The following MYO10 variants were observed in gnomAD, a reference collection of about 807,000 sequenced individuals.
MYO10 encodes the protein unconventional myosin-X.
A neutral mutation model predicts 257.3 loss-of-function variants in MYO10; 133 were observed. The observed-to-expected ratio is 0.52, with a 90% CI of 0.45 to 0.60. The LOEUF (loss-of-function observed/expected upper bound fraction) is 0.60, where lower values mean the gene tolerates loss of function less well. MYO10 is among the 20% of genes least tolerant of loss of function. The pLI, the probability that MYO10 is intolerant of heterozygous loss-of-function variation, is 0.00. For synonymous variants in MYO10, 1,104 were observed against 1,028.6 expected (o/e 1.07, Z -1.40); for missense variants, 2,399 against 2,635.7 (o/e 0.91, Z 1.97).
chr5:16,814,221 A>G (rs1742530038), intron 3 of MYO10, among the ~76,000 whole-genome samples: 1 of 152,090 alleles, frequency 6.6e-6, no homozygotes, highest in African/African-American at 2.4e-5. Flanking sequence ...GGCTCACTGC[A>G]AGCTCCGCCT....
intron 26 of MYO10, 85 bp from the exon 27 acceptor site, chr5:16,694,699 G>A (rs1434882571): frequency 6.5e-7 from 1 of 1,541,706 alleles, no homozygotes; most frequent in East Asian, 2.2e-5. Flanking sequence ...AGGTGTTAAG[G>A]TCTAGCCGAG....
In MYO10 at chr5:16,689,868, G is replaced by T; in HGVS notation, c.3852C>A (p.Ala1284=). Reference sequence around the variant, plus strand: ...CTGCAATCAGGTGGAAAGTCCTATCGGCCATAATGATGTCGATCCCATTCT... The same window carrying T: ...CTGCAATCAGGTGGAAAGTCCTATCTGCCATAATGATGTCGATCCCATTCT... ...TKENGIDIIM[A]DRTFHLIAES... Residue 1284 remains alanine, a synonymous_variant, in exon 28 of 41, where the codon GCC becomes GCA. Transcript: ENST00000513610. 6.2e-7 allele frequency: 1 copy of T among 1,613,670 alleles called. No homozygotes were observed. Among genetic ancestry groups the T allele is most frequent in the South Asian group, 1.1e-5 (1 of 91,070 alleles).
At chr5:16,889,762 G>C (rs1487177000) in intron 1 of MYO10, among the ~76,000 whole-genome samples, 1 of 151,554 alleles carries the variant, frequency 6.6e-6, no homozygotes, top group Non-Finnish European at 1.5e-5. Flanking sequence ...AGCAGTAGGA[G>C]GTACAGGACA....
At chr5:16,713,244 A>G in intron 19 of MYO10, 1 of 895,370 alleles carries the variant, frequency 1.1e-6, no homozygotes, top group Non-Finnish European at 1.3e-6. Flanking sequence ...AGTCTGTACA[A>G]TTCCCCAGTC....
Position 16,676,291 on chromosome 5 carries a change from G to A in MYO10, c.4543-137C>T, listed in dbSNP as rs576428652. 1.9e-5 allele frequency: 18 copies of A among 960,996 alleles called. No individual in the cohort carries two copies. The East Asian group carries it at 2.8e-4, about 15-fold the overall frequency. 59.5% of individuals were successfully genotyped at this position (960,996 alleles called of 1,614,324 possible). Reference sequence around the variant, plus strand: ...TCCAGTGTTAGGTGGTTTCATGGACGAAGATACCCATAATCTGTGTTTGAA... The same window carrying A: ...TCCAGTGTTAGGTGGTTTCATGGACAAAGATACCCATAATCTGTGTTTGAA... On this transcript the variant is annotated intron_variant, in intron 33 of 40. Coordinates refer to ENST00000513610, the MANE Select transcript of MYO10 (RefSeq NM_012334.3).
chr5:16,762,511 C>T (rs1438102878), intron 15 of MYO10, 34 bp downstream of exon 15: 1 of 1,514,258 alleles, frequency 6.6e-7, no homozygotes, highest in Admixed American at 1.9e-5. Flanking sequence ...ACGTGCTACT[C>T]CAATGTGATG....
intron 2 of MYO10, among the ~76,000 whole-genome samples, chr5:16,837,339 T>G (rs932941816): frequency 1.3e-4 from 20 of 152,042 alleles, no homozygotes; most frequent in African/African-American, 4.1e-4. Context: ...CTGACGAACC[T>G]TGTAAATATG....
At position 16,662,562 on chromosome 5, in the gene MYO10, T is replaced by G. The variant is rs1368061376; in HGVS notation, c.*4130A>C. 2 of 152,086 alleles carry G rather than the reference T, an allele frequency of 1.3e-5. No individual in the cohort carries two copies. The highest frequency in any genetic ancestry group is 2.9e-5 in the Non-Finnish European group (2 of 68,052). The allele number at this position is 152,086 out of a possible 1,614,324, so 9.4% of individuals were successfully genotyped here. On this transcript the variant is annotated 3_prime_UTR_variant, in exon 41 of 41. Coordinates refer to ENST00000513610, the MANE Select transcript of MYO10 (RefSeq NM_012334.3). ...GTCTTGAACTCCGGAGCTCAAGCGA[T>G]CCTCTTGCCTCGGCCTTCCAACATG...
chr5:16,764,561 A>G (rs1463224120), intron 11 of MYO10, among the ~76,000 whole-genome samples, 165 bp from the exon 12 acceptor site: 1 of 152,248 alleles, frequency 6.6e-6, no homozygotes, highest in Non-Finnish European at 1.5e-5. Context: ...TCTAAAGAAA[A>G]GATAAACTGG....
At chr5:16,743,553 G>A (rs1207834208) in intron 19 of MYO10, among the ~76,000 whole-genome samples, 1 of 151,888 alleles carries the variant, frequency 6.6e-6, no homozygotes, top group Non-Finnish European at 1.5e-5. Flanking sequence ...TGAGGCAGGA[G>A]AATTGCTTGA....
intron 2 of MYO10, among the ~76,000 whole-genome samples, chr5:16,866,132 C>T (rs1342439618): frequency 6.6e-6 from 1 of 151,370 alleles, no homozygotes; most frequent in Non-Finnish European, 1.5e-5. Context: ...TCAATTCAAA[C>T]GTGGGTATTT....
At chr5:16,768,832 T>C (rs1740960327) in intron 10 of MYO10, among the ~76,000 whole-genome samples, 1 of 151,826 alleles carries the variant, frequency 6.6e-6, no homozygotes, top group South Asian at 2.1e-4. Context: ...CACACCATCA[T>C]GCCTGGCTAA....
At position 16,763,910 on chromosome 5, in the gene MYO10, C is replaced by G. The variant is rs1018695749; in HGVS notation, c.1327-155G>C. ...CTGTTATCCCAGCACTTTGGGAGGC[C>G]GAGGTGGGCAGATCACCTGAGGTCG... is the stretch of plus-strand genomic sequence containing the variant. On this transcript the variant is annotated intron_variant, in intron 12 of 40. Transcript: ENST00000513610. 2.0e-5 allele frequency among the ~76,000 whole-genome samples: 3 copies of G among 151,938 alleles called. No individual in the cohort carries two copies. The East Asian group carries it at 5.8e-4, about 29-fold the overall frequency.
chr5:16,911,251 A>AC (rs1745649381), intron 1 of MYO10, among the ~76,000 whole-genome samples: 1 of 152,194 alleles, frequency 6.6e-6, no homozygotes. Flanking sequence ...CACAATAAAT[A>AC]TTTTTTGGAA....
intron 1 of MYO10, among the ~76,000 whole-genome samples, chr5:16,886,932 CAA>C (rs75535220): frequency 9.1e-4 from 93 of 101,870 alleles, no homozygotes; most frequent in African/African-American, 1.8e-3. Context: ...ACTCCATCTC[CAA>C]AAAAAAAAAA....
chr5:16,788,660 G>A (rs1295782659), intron 4 of MYO10, among the ~76,000 whole-genome samples: 1 of 152,040 alleles, frequency 6.6e-6, no homozygotes, highest in Non-Finnish European at 1.5e-5. Flanking sequence ...TAAACTTGGA[G>A]AGTCCTGCAG....
At position 16,707,262 on chromosome 5, in the gene MYO10, G is replaced by C. The variant is rs1051517959; in HGVS notation, c.2170-2577C>G. Among the ~76,000 whole-genome samples, 3 of 152,144 alleles carry C rather than the reference G, an allele frequency of 2.0e-5. No homozygotes were observed. The South Asian group carries it at 6.2e-4, about 32-fold the overall frequency. On this transcript the variant is annotated intron_variant, in intron 21 of 40. Coordinates refer to ENST00000513610, the MANE Select transcript of MYO10 (RefSeq NM_012334.3). ...CCCAGTCTCGGGTATGTCTTTATTA[G>C]CAGTGTGAGAACAGACTAATACAGA...
At chr5:16,858,275 T>C (rs1744015923) in intron 2 of MYO10, among the ~76,000 whole-genome samples, 1 of 152,176 alleles carries the variant, frequency 6.6e-6, no homozygotes, top group Non-Finnish European at 1.5e-5. Flanking sequence ...TCTCAGCTTG[T>C]AGACCATACA....
intron 9 of MYO10, among the ~76,000 whole-genome samples, chr5:16,772,132 A>T (rs1741071065): frequency 6.6e-6 from 1 of 151,604 alleles, no homozygotes; most frequent in Non-Finnish European, 1.5e-5. Flanking sequence ...TGAATATTGC[A>T]TACTTTTTTT....
Sources: allele counts gnomAD v4.1 joint callset (sites outside exome capture counted in the v4.1 genomes callset), GRCh38; gene constraint gnomAD v4.1.1; transcripts MANE v1.5; gene names NCBI Gene and HGNC (gene_info 2026-07-23, HGNC 2026-07-21).